The following RSU1 variants were observed in gnomAD, a reference collection of about 807,000 sequenced individuals.
RSU1 encodes Ras suppressor protein 1, also known as rsu-1.
Under a neutral mutation model 31.1 loss-of-function variants are expected in RSU1, and 26 were observed. That is an observed-to-expected ratio of 0.84 (90% CI 0.61 to 1.16). RSU1 has a LOEUF of 1.16. Among genes scored for constraint, RSU1 ranks in the 50% most tolerant of loss-of-function variants. RSU1 has a pLI of 0.00. For synonymous variants in RSU1, 164 were observed against 136.3 expected, an observed-to-expected ratio of 1.20 and a Z score of -1.41; for missense variants, 320 against 339.1, an observed-to-expected ratio of 0.94 and a Z score of 0.44.
At chr10:16,698,117 G>A (rs899857745) in intron 7 of RSU1, among the ~76,000 whole-genome samples, 1 of 149,072 alleles carries the variant, frequency 6.7e-6, no homozygotes, top group African/African-American at 2.5e-5. Context: ...TGGCAAGCAT[G>A]AGAACAACGT....
At chr10:16,655,418 A>C (rs1445314024) in intron 8 of RSU1, among the ~76,000 whole-genome samples, 1 of 152,232 alleles carries the variant, frequency 6.6e-6, no homozygotes, top group African/African-American at 2.4e-5. Context: ...GCACTTGATC[A>C]AATCCTCAGT....
intron 7 of RSU1, among the ~76,000 whole-genome samples, chr10:16,732,198 A>T (rs1008145914): frequency 2.0e-5 from 3 of 152,188 alleles, no homozygotes; most frequent in Non-Finnish European, 4.4e-5. Context: ...ATTTATATTC[A>T]AGTCATGAAA....
At position 16,591,424 on chromosome 10, in the gene RSU1, C is replaced by T. The variant is rs1008755575; in HGVS notation, c.*1970G>A. On this transcript the variant is annotated 3_prime_UTR_variant, in exon 9 of 9. Coordinates refer to ENST00000345264, the MANE Select transcript of RSU1 (RefSeq NM_012425.4). ...AATAAAAATTCTGGGCCCCAGTACA[C>T]AATCTTAAGGTTTTGCCACCTATCG... The T allele has an allele frequency of 3.3e-5, 5 of 152,120 alleles. No individual in the cohort carries two copies. In the East Asian group the frequency reaches 9.6e-4, roughly 29 times the overall value. The allele number at this position is 152,120 out of a possible 1,614,324, so 9.4% of individuals were successfully genotyped here.
At chr10:16,617,235 A>G (rs1833993279) in intron 8 of RSU1, among the ~76,000 whole-genome samples, 1 of 152,218 alleles carries the variant, frequency 6.6e-6, no homozygotes, top group African/African-American at 2.4e-5. Flanking sequence ...CCCATTCACA[A>G]TTGCTACAAA....
intron 7 of RSU1, among the ~76,000 whole-genome samples, chr10:16,729,971 A>C (rs551082140): frequency 6.6e-6 from 1 of 152,210 alleles, no homozygotes; most frequent in Non-Finnish European, 1.5e-5. Flanking sequence ...TTTACAAAGA[A>C]AAGTGGTTTA....
intron 3 of RSU1, among the ~76,000 whole-genome samples, chr10:16,774,225 T>C (rs1210939085): frequency 1.3e-5 from 2 of 152,200 alleles, no homozygotes; most frequent in Non-Finnish European, 2.9e-5. Context: ...ATGGCACTTA[T>C]CAATATTTTT....
rs148655967 is a variant in RSU1, at chr10:16,597,615, C to G, written c.732-4119G>C. Among the ~76,000 whole-genome samples, 186 of 152,162 alleles carry G rather than the reference C, an allele frequency of 1.2e-3. 1 individual carries two copies. The highest frequency in any genetic ancestry group is 4.4e-3 in the African/African-American group (181 of 41,512). ...TGGCAAACCTACTGGAAGCAGTCAG[C>G]GAATGCTTATTGAAAAGTAGGACAG... On this transcript the variant is annotated intron_variant, in intron 8 of 8. Coordinates refer to ENST00000345264, the MANE Select transcript of RSU1 (RefSeq NM_012425.4).
intron 4 of RSU1, among the ~76,000 whole-genome samples, chr10:16,760,317 C>T (rs990034531): frequency 6.6e-6 from 1 of 152,022 alleles, no homozygotes; most frequent in African/African-American, 2.4e-5. Flanking sequence ...CCAGACCAGC[C>T]TGACCAACAT....
intron 2 of RSU1, among the ~76,000 whole-genome samples, chr10:16,794,083 G>A (rs1197074709): frequency 6.6e-6 from 1 of 152,038 alleles, no homozygotes; most frequent in Non-Finnish European, 1.5e-5. Flanking sequence ...CTGGTTCCTG[G>A]GCCTTCAGAT....
At chr10:16,705,897 C>CAGGA (rs1190716055) in intron 7 of RSU1, among the ~76,000 whole-genome samples, 3 of 152,186 alleles carry the variant, frequency 2.0e-5, no homozygotes, top group Non-Finnish European at 4.4e-5. Context: ...CTACCTCAGT[C>CAGGA]TCCTGAGTAG....
chr10:16,708,217 A>T (rs900539797), intron 7 of RSU1, among the ~76,000 whole-genome samples: 5 of 152,204 alleles, frequency 3.3e-5, no homozygotes, highest in Admixed American at 2.0e-4. Context: ...ATAGTCAATT[A>T]ACATATTTTG....
intron 3 of RSU1, among the ~76,000 whole-genome samples, chr10:16,769,866 G>A (rs145372162): frequency 3.3e-5 from 5 of 152,296 alleles, no homozygotes; most frequent in Non-Finnish European, 5.9e-5. Context: ...CACGTTCAAC[G>A]TGGATGCTAC....
intron 8 of RSU1, among the ~76,000 whole-genome samples, chr10:16,674,807 A>G (rs1835194746): frequency 6.6e-6 from 1 of 152,144 alleles, no homozygotes; most frequent in Non-Finnish European, 1.5e-5. Context: ...CGAGGTGGGC[A>G]GATCACTTGA....
At chr10:16,638,100 T>C (rs1263152714) in intron 8 of RSU1, among the ~76,000 whole-genome samples, 1 of 152,206 alleles carries the variant, frequency 6.6e-6, no homozygotes, top group Non-Finnish European at 1.5e-5. Flanking sequence ...ATGTACTTTT[T>C]CATATATTTT....
At chr10:16,683,458 G>C (rs922068352) in intron 8 of RSU1, among the ~76,000 whole-genome samples, 1 of 152,154 alleles carries the variant, frequency 6.6e-6, no homozygotes, top group African/African-American at 2.4e-5. Flanking sequence ...TGGTTAATTT[G>C]TAAATCATCT....
intron 7 of RSU1, among the ~76,000 whole-genome samples, chr10:16,715,997 T>C (rs1836131748): frequency 6.6e-6 from 1 of 152,118 alleles, no homozygotes; most frequent in Non-Finnish European, 1.5e-5. Flanking sequence ...AGTAGAAAAA[T>C]TTTTCTTAAT....
At chr10:16,659,298 A>ATTTTTTTT (rs1834844104) in intron 8 of RSU1, among the ~76,000 whole-genome samples, 1 of 110,128 alleles carries the variant, frequency 9.1e-6, no homozygotes, top group African/African-American at 3.8e-5. Context: ...CTGAGGTTAT[A>ATTTTTTTT]TTCTTTTTTT....
At chr10:16,808,480 T>C (rs115103120) in intron 2 of RSU1, among the ~76,000 whole-genome samples, 3,750 of 110,658 alleles carry the variant, frequency 0.034, 134 homozygotes, top group African/African-American at 0.14. Flanking sequence ...TGAAACTCCA[T>C]TTAAGAAAAA....
chr10:16,764,313 A>C, intron 4 of RSU1, 77 bp downstream of exon 4: 1 of 1,406,312 alleles, frequency 7.1e-7, no homozygotes, highest in Non-Finnish European at 9.5e-7. Context: ...ATATAAAAGG[A>C]ATCCCTCCCC....
Sources: allele counts gnomAD v4.1 joint callset (sites outside exome capture counted in the v4.1 genomes callset), GRCh38; gene constraint gnomAD v4.1.1; transcripts MANE v1.5; gene names NCBI Gene and HGNC (gene_info 2026-07-23, HGNC 2026-07-21).